The following PPP3CA variants were observed in gnomAD, a reference collection of about 807,000 sequenced individuals.
The protein encoded by PPP3CA is protein phosphatase 3 catalytic subunit alpha.
A neutral mutation model predicts 66.5 loss-of-function variants in PPP3CA; 14 were observed. That is an observed-to-expected ratio of 0.21 (90% CI 0.14 to 0.33). The LOEUF is 0.33. Ranked by LOEUF, PPP3CA falls within the 10% of genes least tolerant of loss-of-function variation. The pLI is 1.00. For missense variants in PPP3CA, 317 were observed against 639.5 expected (o/e 0.50, Z 5.44); for synonymous variants, 232 against 226.2 (o/e 1.03, Z -0.23).
intron 1 of PPP3CA, among the ~76,000 whole-genome samples, chr4:101,219,677 A>G (rs779811479): frequency 5.9e-5 from 9 of 151,970 alleles, no homozygotes; most frequent in Admixed American, 4.6e-4. Flanking sequence ...AAAGTAGTCA[A>G]CACCTAGAAT....
intron 2 of PPP3CA, among the ~76,000 whole-genome samples, chr4:101,122,948 T>C (rs1430630169): frequency 6.6e-6 from 1 of 152,112 alleles, no homozygotes; most frequent in East Asian, 1.9e-4. Context: ...ATGGTGGCAG[T>C]GTGAAAAGAT....
chr4:101,275,394 A>G (rs1578619095), intron 1 of PPP3CA, among the ~76,000 whole-genome samples: 1 of 152,172 alleles, frequency 6.6e-6, no homozygotes, highest in Non-Finnish European at 1.5e-5. Context: ...ATAGAAAGTT[A>G]TACCTTCTTT....
intron 2 of PPP3CA, among the ~76,000 whole-genome samples, chr4:101,181,896 A>G (rs1475463552): frequency 6.6e-6 from 1 of 152,238 alleles, no homozygotes; most frequent in Non-Finnish European, 1.5e-5. Flanking sequence ...ATCGAAATCA[A>G]AATAAGAGTT....
At chr4:101,204,954 C>T (rs1437807959) in intron 1 of PPP3CA, among the ~76,000 whole-genome samples, 1 of 148,092 alleles carries the variant, frequency 6.8e-6, no homozygotes, top group Non-Finnish European at 1.5e-5. Context: ...ATGAGGTACC[C>T]CAACTATCTT....
intron 2 of PPP3CA, among the ~76,000 whole-genome samples, chr4:101,118,167 CT>C: frequency 6.6e-6 from 1 of 151,900 alleles, no homozygotes; most frequent in South Asian, 2.1e-4. Flanking sequence ...ACTCAGTATT[CT>C]TTCATTTCTG....
chr4:101,158,082 C>T (rs911752622), intron 2 of PPP3CA: 17 of 152,028 alleles, frequency 1.1e-4, no homozygotes, highest in South Asian at 4.2e-4. Context: ...TTGTTTTGCA[C>T]GAGAAGCTTT....
chr4:101,165,181 G>A (rs1723652809), intron 2 of PPP3CA, among the ~76,000 whole-genome samples: 3 of 152,088 alleles, frequency 2.0e-5, no homozygotes, highest in African/African-American at 7.2e-5. Flanking sequence ...TTTCATGTTG[G>A]ATGACTCTTA....
chr4:101,196,686 T>G (rs1461559640), intron 1 of PPP3CA, among the ~76,000 whole-genome samples: 1 of 152,104 alleles, frequency 6.6e-6, no homozygotes, highest in East Asian at 1.9e-4. Flanking sequence ...TGCAGGTGAG[T>G]GTGTATGCTC....
At chr4:101,052,436 A>G (rs2110218947) in intron 10 of PPP3CA, among the ~76,000 whole-genome samples, 1 of 152,178 alleles carries the variant, frequency 6.6e-6, no homozygotes, top group South Asian at 2.1e-4. Context: ...AAGCATAATG[A>G]AACAAGCAGT....
Position 101,236,567 on chromosome 4 carries a change from G to T in PPP3CA, c.59-40451C>A, listed in dbSNP as rs370042655. Among the ~76,000 whole-genome samples the T allele has an allele frequency of 1.2e-4, 19 of 152,046 alleles. No homozygotes were observed. The East Asian group carries it at 3.5e-3, about 28-fold the overall frequency. ...GCTGTGTGGACAATGAGAGCAAGGG[G>T]CAAGAATGGGAGTAATGGCCAGTCC... On this transcript the variant is annotated intron_variant, in intron 1 of 13. Coordinates refer to ENST00000394854, the MANE Select transcript of PPP3CA (RefSeq NM_000944.5).
intron 2 of PPP3CA, among the ~76,000 whole-genome samples, chr4:101,128,336 T>C (rs1192278675): frequency 6.6e-6 from 1 of 152,310 alleles, no homozygotes; most frequent in African/African-American, 2.4e-5. Context: ...TACCTTGGTC[T>C]GATCATCCAT....
chr4:101,102,333 GCAGAGAGAGAGAGA>G (rs1730482866), intron 3 of PPP3CA, among the ~76,000 whole-genome samples: 1 of 151,412 alleles, frequency 6.6e-6, no homozygotes, highest in Non-Finnish European at 1.5e-5. Context: ...GAAATAGAAG[GCAGAGAGAGAGAGA>G]CAGAGAGAGA....
intron 10 of PPP3CA, among the ~76,000 whole-genome samples, chr4:101,042,804 T>C (rs1578398086): frequency 8.3e-6 from 1 of 119,932 alleles, no homozygotes; most frequent in Admixed American, 7.9e-5. Flanking sequence ...AGACTTTTTC[T>C]TTTTTTTTTT....
rs1234835776 is a variant in PPP3CA at position 101,098,406 on chromosome 4, A to G, written c.603T>C (p.Gly201=). The change falls in exon 5 of 14, where the codon GGT becomes GGC. Residue 201 remains glycine (G), a synonymous_variant. Transcript: ENST00000394854. The part of the protein sequence containing the change: ...MNQQFLCVHG[G]LSPEINTLDD... Reference sequence around the variant, plus strand: ...CTAAAGTGTTAATCTCTGGAGACAAACCACCATGCACACACAGGAACTGTT... The same window carrying G: ...CTAAAGTGTTAATCTCTGGAGACAAGCCACCATGCACACACAGGAACTGTT... The G allele has an allele frequency of 1.9e-6, 3 of 1,611,372 alleles. No individual in the cohort carries two copies. The highest frequency in any genetic ancestry group is 2.5e-6 in the Non-Finnish European group (3 of 1,178,800).
At chr4:101,167,515 A>G (rs1261030224) in intron 2 of PPP3CA, among the ~76,000 whole-genome samples, 1 of 152,188 alleles carries the variant, frequency 6.6e-6, no homozygotes, top group East Asian at 1.9e-4. Context: ...AGAGTTAAAC[A>G]TCTCTCCCCT....
At chr4:101,035,630 CCAGCATAGAAGATGGTCATTTTCCTT>C (rs1195385095) in intron 11 of PPP3CA, among the ~76,000 whole-genome samples, 1 of 152,126 alleles carries the variant, frequency 6.6e-6, no homozygotes, top group Non-Finnish European at 1.5e-5. Flanking sequence ...TACAAAAGCC[CCAGCATAGAAGATGGTCATTTTCCTT>C]CCTTCCTTGC....
intron 2 of PPP3CA, among the ~76,000 whole-genome samples, chr4:101,138,624 T>C (rs1722698377): frequency 6.6e-6 from 1 of 152,222 alleles, no homozygotes; most frequent in Admixed American, 6.5e-5. Flanking sequence ...ATGTTGGTAC[T>C]CAAAAAGTTT....
At chr4:101,248,823 A>G (rs2110241809) in intron 1 of PPP3CA, among the ~76,000 whole-genome samples, 1 of 152,324 alleles carries the variant, frequency 6.6e-6, no homozygotes, top group South Asian at 2.1e-4. Context: ...AATTATCTTA[A>G]AATCATCTGT....
At chr4:101,285,646 TG>T (rs1727823573) in intron 1 of PPP3CA, among the ~76,000 whole-genome samples, 1 of 149,120 alleles carries the variant, frequency 6.7e-6, no homozygotes, top group Admixed American at 6.7e-5. Context: ...TGTGTGTGTG[TG>T]TGTGTGTTTT....
Sources: allele counts gnomAD v4.1 joint callset (sites outside exome capture counted in the v4.1 genomes callset), GRCh38; gene constraint gnomAD v4.1.1; transcripts MANE v1.5; gene names NCBI Gene and HGNC (gene_info 2026-07-23, HGNC 2026-07-21).